Variants in RASGEF1C observed in about 807,000 individuals in gnomAD.
The protein encoded by RASGEF1C is ras-GEF domain-containing family member 1C.
A neutral mutation model predicts 58.1 loss-of-function variants in RASGEF1C; 27 were observed. The ratio of observed to expected loss-of-function variants is 0.46; its 90% CI spans 0.34 to 0.64. The LOEUF is 0.64. Ranked by LOEUF, RASGEF1C falls within the 30% of genes least tolerant of loss-of-function variation. The pLI, the probability that RASGEF1C is intolerant of heterozygous loss-of-function variation, is 0.01. For synonymous variants in RASGEF1C, 243 were observed against 246.3 expected, an observed-to-expected ratio of 0.99 and a Z score of 0.13; for missense variants, 502 against 605.1, an observed-to-expected ratio of 0.83 and a Z score of 1.79.
chr5:180,119,876 C>T (rs1766138212), intron 7 of RASGEF1C, among the ~76,000 whole-genome samples: 1 of 152,208 alleles, frequency 6.6e-6, no homozygotes, highest in Non-Finnish European at 1.5e-5. Context: ...CCTCCGCTCT[C>T]TCCATCTGAC....
rs1766839108 is a variant in RASGEF1C, at chr5:180,155,778, C to T, written c.-6-17720G>A. On this transcript the variant is annotated intron_variant, in intron 1 of 13. Coordinates refer to ENST00000361132, the MANE Select transcript of RASGEF1C (RefSeq NM_175062.4). This position sits in a 1 kb window ranked among gnomAD's most constrained non-coding sequence, Gnocchi z 5.2. ...TCTACAAGGAGAGGCACAGCCCAGT[C>T]ACTCCCCAAGCCACAGTGAAGGGGT... 6.6e-6 allele frequency among the ~76,000 whole-genome samples: 1 copy of T among 152,146 alleles called. No individual in the cohort carries two copies. Among genetic ancestry groups the T allele is most frequent in the South Asian group, 2.1e-4 (1 of 4,824 alleles).
chr5:180,114,657 G>T, intron 10 of RASGEF1C, 116 bp from the exon 11 acceptor site: 1 of 917,700 alleles, frequency 1.1e-6, no homozygotes, highest in Non-Finnish European at 1.6e-6. Flanking sequence ...CCGACCCCAG[G>T]GTGCAGAGGG....
rs192919743 is a variant in RASGEF1C, at chr5:180,112,403, C to T, written c.1180-823G>A. ...TCTGGCCATGTGCTGTGGTTCCCAG[C>T]TGCAGGGGACACTCACAGCCCACGG... On this transcript the variant is annotated intron_variant, in intron 11 of 13. Coordinates refer to ENST00000361132, the MANE Select transcript of RASGEF1C (RefSeq NM_175062.4). 2.3e-4 allele frequency among the ~76,000 whole-genome samples: 35 copies of T among 152,344 alleles called. No homozygotes were observed. In the East Asian group the frequency reaches 6.6e-3, roughly 29 times the overall value.
chr5:180,209,087 C>A lies in RASGEF1C; in HGVS notation c.-66G>T. On this transcript the variant is annotated 5_prime_UTR_variant, in exon 1 of 14. Transcript: ENST00000361132. ...CATGGGCAGCTCCCGGTGCGAGCCTCGGCGCCGCGGACCGGGGCGCCGCCC... is the reference window on the plus strand; with the variant it reads ...CATGGGCAGCTCCCGGTGCGAGCCTAGGCGCCGCGGACCGGGGCGCCGCCC... 1 of 143,870 alleles carries A rather than the reference C, an allele frequency of 7.0e-6. No individual in the cohort carries two copies. The highest frequency in any genetic ancestry group is 1.8e-4 in the South Asian group (1 of 5,432). 8.9% of individuals were successfully genotyped at this position (143,870 alleles called of 1,614,324 possible). A position where few individuals can be genotyped will look rare whatever the true frequency, so the allele number is the denominator to read the frequency against.
At chr5:180,151,516 T>G (rs530179093) in intron 1 of RASGEF1C, among the ~76,000 whole-genome samples, 23 of 152,306 alleles carry the variant, frequency 1.5e-4, no homozygotes, top group African/African-American at 5.1e-4. Flanking sequence ...GCTAGCCATA[T>G]GTAGAAAGAT....
At chr5:180,134,141 C>G (rs1766426835) in intron 4 of RASGEF1C, among the ~76,000 whole-genome samples, 1 of 152,170 alleles carries the variant, frequency 6.6e-6, no homozygotes, top group Non-Finnish European at 1.5e-5. Context: ...GGGAACAACC[C>G]ACAGTCCACA....
intron 1 of RASGEF1C, among the ~76,000 whole-genome samples, chr5:180,184,085 AC>A (rs1755983586): frequency 6.6e-6 from 1 of 151,850 alleles, no homozygotes; most frequent in African/African-American, 2.4e-5. Context: ...AATCACTTGA[AC>A]CTGGGAGATG....
chr5:180,171,329 A>T (rs6878341), intron 1 of RASGEF1C, among the ~76,000 whole-genome samples: 126,212 of 151,774 alleles, frequency 0.83, 52,762 homozygotes, highest in East Asian at 0.9. Flanking sequence ...CCCAGAGGCC[A>T]CAGCAGCAGC....
At position 180,158,725 on chromosome 5, in the gene RASGEF1C, C is replaced by T. The variant is rs1766886748; in HGVS notation, c.-6-20667G>A. Among the ~76,000 whole-genome samples, 1 of 152,126 alleles carries T rather than the reference C, an allele frequency of 6.6e-6. No individual in the cohort carries two copies. Among genetic ancestry groups the T allele is most frequent in the African/African-American group, 2.4e-5 (1 of 41,412 alleles). On this transcript the variant is annotated intron_variant, in intron 1 of 13. Transcript: ENST00000361132. The surrounding 1 kb of genome is among the most constrained non-coding windows in gnomAD (Gnocchi z 4.0). Reference sequence around the variant, plus strand: ...AGTCTTTTGAAATTTCACAAGGACGCACCTTGACACGGGCCTTTCTATGTC... The same window carrying T: ...AGTCTTTTGAAATTTCACAAGGACGTACCTTGACACGGGCCTTTCTATGTC...
intron 1 of RASGEF1C, among the ~76,000 whole-genome samples, chr5:180,196,411 G>A (rs1355347131): frequency 6.6e-6 from 1 of 151,292 alleles, no homozygotes; most frequent in Non-Finnish European, 1.5e-5. Context: ...TGAGGCAGGA[G>A]AATTGCTTGA....
chr5:180,102,127 A>G lies in RASGEF1C; in HGVS notation c.1320T>C (p.Ser440=). 6.3e-7 allele frequency: 1 copy of G among 1,585,662 alleles called. No individual in the cohort carries two copies. The highest frequency in any genetic ancestry group is 8.7e-7 in the Non-Finnish European group (1 of 1,154,206). The part of the protein sequence containing the change: ...IFSEDGLYLA[S]YESESPENQT... ...GGTTCTCTGGGCTCTCACTTTCGTA[A>G]GAAGCCAAATAAAGACCTAGACAGA... Residue 440 remains serine, a synonymous_variant, in exon 13 of 14, where the codon TCT becomes TCC. Coordinates refer to ENST00000361132, the MANE Select transcript of RASGEF1C (RefSeq NM_175062.4).
chr5:180,185,903 G>A (rs1756026907), intron 1 of RASGEF1C, among the ~76,000 whole-genome samples: 2 of 151,824 alleles, frequency 1.3e-5, no homozygotes, highest in Non-Finnish European at 2.9e-5. Context: ...CTCAAGACCA[G>A]CCTGGGCAAC....
chr5:180,120,337 C>G (rs748350045), intron 7 of RASGEF1C, among the ~76,000 whole-genome samples: 4 of 152,190 alleles, frequency 2.6e-5, no homozygotes, highest in Non-Finnish European at 5.9e-5. Flanking sequence ...GTGTCCATCG[C>G]CACGTCGCAT....
rs773935569 is a variant in RASGEF1C at position 180,114,457 on chromosome 5, C to T, written c.1168G>A (p.Val390Ile). The change falls in exon 11 of 14, where the codon GTC becomes ATC. Residue 390 changes from valine to isoleucine, a missense_variant. Val to Ile is a conservative substitution (Grantham distance 29, BLOSUM62 3). Transcript: ENST00000361132. ...GCANRLPNGH[V>I]NFEKFLELAK... is the part of the protein sequence containing the mutation. ...CACGGAGGTCCTACCTCAAAGTTGA[C>T]GTGTCCATTGGGAAGGCGGTTGGCG... The T allele has an allele frequency of 2.4e-5, 39 of 1,612,122 alleles. No individual in the cohort carries two copies. Among genetic ancestry groups the T allele is most frequent in the South Asian group, 5.5e-5 (5 of 90,950 alleles).
rs889821095 is a variant in RASGEF1C, at chr5:180,143,983, G to A, written c.-6-5925C>T. 3.9e-5 allele frequency among the ~76,000 whole-genome samples: 6 copies of A among 152,290 alleles called. No homozygotes were observed. Among genetic ancestry groups the A allele is most frequent in the African/African-American group, 9.6e-5 (4 of 41,554 alleles). On this transcript the variant is annotated intron_variant, in intron 1 of 13. Coordinates refer to ENST00000361132, the MANE Select transcript of RASGEF1C (RefSeq NM_175062.4). The surrounding 1 kb of genome is among the most constrained non-coding windows in gnomAD (Gnocchi z 4.3). ...GAAGGCCCCTGTGAGGACCACGCGCGTGTCTCAGGAAGACACCTGTGAGCT... is the reference window on the plus strand; with the variant it reads ...GAAGGCCCCTGTGAGGACCACGCGCATGTCTCAGGAAGACACCTGTGAGCT...
intron 4 of RASGEF1C, among the ~76,000 whole-genome samples, chr5:180,133,423 T>A (rs1766403553): frequency 6.6e-6 from 1 of 152,198 alleles, no homozygotes; most frequent in South Asian, 2.1e-4. Context: ...CCCTGAGCTC[T>A]GTGGTTCCCT....
At chr5:180,124,051 A>G (rs1766216704) in intron 6 of RASGEF1C, among the ~76,000 whole-genome samples, 1 of 152,096 alleles carries the variant, frequency 6.6e-6, no homozygotes, top group Admixed American at 6.5e-5. Flanking sequence ...AACAAGAATA[A>G]ACAACGAAAC....
chr5:180,117,935 A>G (rs924721835), intron 10 of RASGEF1C, among the ~76,000 whole-genome samples: 3 of 148,152 alleles, frequency 2.0e-5, no homozygotes, highest in Non-Finnish European at 4.4e-5. Flanking sequence ...TGGAGGTTGC[A>G]GTGAGCCAAG....
intron 1 of RASGEF1C, among the ~76,000 whole-genome samples, chr5:180,153,552 C>T (rs1174381403): frequency 6.6e-6 from 1 of 152,194 alleles, no homozygotes; most frequent in African/African-American, 2.4e-5. Flanking sequence ...ATCCTGATGC[C>T]TGCTACTCCA....
Sources: gnomAD v4.1 joint callset for allele counts (sites outside exome capture counted in the v4.1 genomes callset) on GRCh38, gnomAD v4.1.1 for gene constraint, Gnocchi (gnomAD v3.1) non-coding constraint, MANE v1.5 for transcripts, NCBI Gene and HGNC (gene_info 2026-07-23, HGNC 2026-07-21) for gene names.